AGBL1: variants seen among roughly 807,000 people sequenced by gnomAD.
AGBL1 encodes AGBL carboxypeptidase 1.
A neutral mutation model predicts 118.9 loss-of-function variants in AGBL1; 130 were observed. That is an observed-to-expected ratio of 1.09 (90% CI 0.95 to 1.26). The LOEUF (loss-of-function observed/expected upper bound fraction) is 1.26, where lower values mean the gene tolerates loss of function less well. Ranked by LOEUF, AGBL1 falls within the 50% of genes most tolerant of loss-of-function variation. AGBL1 has a pLI of 0.00. For synonymous variants in AGBL1, 555 were observed against 478.9 expected, an observed-to-expected ratio of 1.16 and a Z score of -2.08; for missense variants, 1,584 against 1,298.1, an observed-to-expected ratio of 1.22 and a Z score of -3.38.
chr15:86,792,480 G>T (rs2078508721), intron 22 of AGBL1, among the ~76,000 whole-genome samples: 1 of 152,184 alleles, frequency 6.6e-6, no homozygotes, highest in Admixed American at 6.5e-5. Flanking sequence ...AGAGTGGCCT[G>T]TAAGATTTTT....
At chr15:86,955,890 T>C (rs2080925306) in intron 23 of AGBL1, among the ~76,000 whole-genome samples, 1 of 152,060 alleles carries the variant, frequency 6.6e-6, no homozygotes, top group Non-Finnish European at 1.5e-5. Flanking sequence ...ATAATATATA[T>C]GTTATTGTGG....
At chr15:86,660,704 C>A (rs573029843) in intron 21 of AGBL1, among the ~76,000 whole-genome samples, 3 of 152,080 alleles carry the variant, frequency 2.0e-5, no homozygotes, top group Non-Finnish European at 4.4e-5. Flanking sequence ...TGCATTTGGT[C>A]AGGCCTCATT....
At position 86,463,267 on chromosome 15, in the gene AGBL1, C is replaced by G. The variant is rs145575677; in HGVS notation, c.2556-59543C>G. On this transcript the variant is annotated intron_variant, in intron 18 of 22. Transcript: ENST00000614907. The stretch of plus-strand genomic sequence containing the variant: ...AGAAGTGTCTGTTCATATCCTTTGC[C>G]CACATTTGATGGGGTTGTTTGTTTT... Among the ~76,000 whole-genome samples the G allele has an allele frequency of 9.1e-3, 1,380 of 151,056 alleles. 26 individuals carry two copies. The highest frequency in any genetic ancestry group is 0.024 in the Middle Eastern group (7 of 292).
At chr15:86,557,096 G>C (rs1269128107) in intron 21 of AGBL1, among the ~76,000 whole-genome samples, 1 of 152,136 alleles carries the variant, frequency 6.6e-6, no homozygotes, top group Non-Finnish European at 1.5e-5. Context: ...TCCTGCTCTT[G>C]TTTCTTTGGG....
intron 18 of AGBL1, among the ~76,000 whole-genome samples, chr15:86,463,319 C>G (rs1311497714): frequency 6.6e-6 from 1 of 150,770 alleles, no homozygotes. Flanking sequence ...GTTTAAGTTC[C>G]TTATAGATTC....
chr15:86,770,373 G>T (rs1049487452), intron 22 of AGBL1, among the ~76,000 whole-genome samples: 2 of 151,864 alleles, frequency 1.3e-5, no homozygotes, highest in Non-Finnish European at 2.9e-5. Context: ...TTATCTTCAT[G>T]ACTGGGAAGG....
chr15:86,435,250 T>G (rs1354836385), intron 18 of AGBL1, among the ~76,000 whole-genome samples: 1 of 152,204 alleles, frequency 6.6e-6, no homozygotes, highest in East Asian at 1.9e-4. Context: ...ATTTATGTTC[T>G]TGATGTTTTC....
intron 23 of AGBL1, among the ~76,000 whole-genome samples, chr15:86,977,903 G>T (rs7178977): frequency 0.04 from 6,096 of 152,086 alleles, 154 homozygotes; most frequent in Middle Eastern, 0.068. Flanking sequence ...TAAGTTGATT[G>T]TGGAGCCCCA....
At chr15:86,121,456 A>G (rs1429226874) in intron 1 of AGBL1, among the ~76,000 whole-genome samples, 1 of 152,216 alleles carries the variant, frequency 6.6e-6, no homozygotes, top group Non-Finnish European at 1.5e-5. Context: ...GAGGGACCTT[A>G]TTTAAGATTA....
chr15:86,221,731 C>A (rs1025881396), intron 5 of AGBL1, among the ~76,000 whole-genome samples: 6 of 152,026 alleles, frequency 3.9e-5, no homozygotes, highest in Non-Finnish European at 5.9e-5. Flanking sequence ...GACACTACAT[C>A]CAAAACAACA....
At position 86,616,259 on chromosome 15, in the gene AGBL1, C is replaced by T. The variant is rs567926951; in HGVS notation, c.2995-58014C>T. 8.1e-4 allele frequency among the ~76,000 whole-genome samples: 123 copies of T among 151,388 alleles called. 1 individual carries two copies. Among genetic ancestry groups the T allele is most frequent in the African/African-American group, 2.9e-3 (118 of 41,100 alleles). On this transcript the variant is annotated intron_variant, in intron 21 of 22. Coordinates refer to ENST00000614907, the MANE Select transcript of AGBL1 (RefSeq NM_001386094.1). Reference sequence around the variant, plus strand: ...GGCTGAGGCAGGAGAATCGCTTGAACCCGGGAGGCAGAGGTAGCAATGAGC... The same window carrying T: ...GGCTGAGGCAGGAGAATCGCTTGAATCCGGGAGGCAGAGGTAGCAATGAGC...
At chr15:86,248,838 C>T (rs529983094) in intron 7 of AGBL1, among the ~76,000 whole-genome samples, 5 of 152,196 alleles carry the variant, frequency 3.3e-5, no homozygotes, top group African/African-American at 1.2e-4. Flanking sequence ...ACAGGGGCTG[C>T]CATAGGTAGA....
intron 22 of AGBL1, among the ~76,000 whole-genome samples, chr15:86,858,275 A>T (rs1397665071): frequency 6.6e-6 from 1 of 152,232 alleles, no homozygotes; most frequent in African/African-American, 2.4e-5. Context: ...AAAGTATTGG[A>T]AAATTAGATA....
chr15:86,592,159 T>C (rs150845991), intron 21 of AGBL1, among the ~76,000 whole-genome samples: 1 of 152,308 alleles, frequency 6.6e-6, no homozygotes, highest in African/African-American at 2.4e-5. Flanking sequence ...AACTGTAAAG[T>C]TACTGTTTTC....
chr15:86,791,054 A>G (rs8027950), intron 22 of AGBL1, among the ~76,000 whole-genome samples: 101,520 of 152,100 alleles, frequency 0.67, 33,883 homozygotes, highest in Middle Eastern at 0.72. Flanking sequence ...ATTGGAAGAT[A>G]GATGATATTT....
At chr15:86,100,625 T>C (rs1896656933) in intron 1 of AGBL1, among the ~76,000 whole-genome samples, 1 of 152,130 alleles carries the variant, frequency 6.6e-6, no homozygotes, top group Non-Finnish European at 1.5e-5. Flanking sequence ...ATCCCTTTTC[T>C]CTAGCTTCTT....
intron 21 of AGBL1, among the ~76,000 whole-genome samples, chr15:86,659,727 GGACTAA>G (rs2085510923): frequency 6.6e-6 from 1 of 152,166 alleles, no homozygotes; most frequent in Non-Finnish European, 1.5e-5. Context: ...GAAGCAGACA[GGACTAA>G]CTGGAAAAGG....
chr15:86,811,962 T>C (rs1596504809), intron 22 of AGBL1, among the ~76,000 whole-genome samples: 1 of 152,200 alleles, frequency 6.6e-6, no homozygotes, highest in East Asian at 1.9e-4. Context: ...CTGAAAAGCA[T>C]AGAAAAATGC....
At chr15:86,974,522 TA>T (rs2081151445) in intron 23 of AGBL1, among the ~76,000 whole-genome samples, 3 of 137,688 alleles carry the variant, frequency 2.2e-5, no homozygotes, top group Middle Eastern at 8.3e-3. Flanking sequence ...ATATATATAA[TA>T]TATATTAAAT....
Sources: gnomAD v4.1 joint callset for allele counts (sites outside exome capture counted in the v4.1 genomes callset) on GRCh38, gnomAD v4.1.1 for gene constraint, MANE v1.5 for transcripts, NCBI Gene and HGNC (gene_info 2026-07-23, HGNC 2026-07-21) for gene names.